Variants in RABGAP1L observed in about 807,000 individuals in gnomAD.
The protein encoded by RABGAP1L is RAB GTPase activating protein 1 like.
RABGAP1L carries 63 observed loss-of-function variants against 137.7 expected under a neutral mutation model. That is an observed-to-expected ratio of 0.46 (90% CI 0.37 to 0.56). The LOEUF is 0.56. RABGAP1L is among the 20% of genes least tolerant of loss of function. RABGAP1L has a pLI of 0.00. For synonymous variants in RABGAP1L, 431 were observed against 433.7 expected (o/e 0.99, Z 0.08); for missense variants, 1,095 against 1,244.0 (o/e 0.88, Z 1.80).
intron 11 of RABGAP1L, among the ~76,000 whole-genome samples, chr1:174,351,046 G>T (rs905275281): frequency 4.9e-5 from 6 of 122,258 alleles, no homozygotes; most frequent in Non-Finnish European, 1.0e-4. Flanking sequence ...TCCAGCTTCG[G>T]CTCCGCATGA....
intron 13 of RABGAP1L, among the ~76,000 whole-genome samples, chr1:174,586,036 A>G (rs929971832): frequency 3.3e-5 from 5 of 152,222 alleles, no homozygotes; most frequent in Non-Finnish European, 7.3e-5. Flanking sequence ...GTATACCCAA[A>G]GGAATATAAA....
chr1:174,194,900 A>G (rs540384481), intron 1 of RABGAP1L, among the ~76,000 whole-genome samples: 1 of 152,174 alleles, frequency 6.6e-6, no homozygotes, highest in Non-Finnish European at 1.5e-5. Context: ...AGGTCTTTAC[A>G]TTGAATCACA....
intron 13 of RABGAP1L, among the ~76,000 whole-genome samples, chr1:174,444,892 T>G (rs1654571875): frequency 6.6e-6 from 1 of 152,072 alleles, no homozygotes; most frequent in African/African-American, 2.4e-5. Flanking sequence ...AAGTTTTTGT[T>G]TTGTTGATCT....
At chr1:174,641,075 C>G (rs769397386) in intron 14 of RABGAP1L, among the ~76,000 whole-genome samples, 2 of 150,770 alleles carry the variant, frequency 1.3e-5, no homozygotes, top group Non-Finnish European at 3.0e-5. Flanking sequence ...TTATTTTTGA[C>G]AATTCCTCAT....
At chr1:174,244,282 A>T (rs1672070439) in intron 5 of RABGAP1L, 1 of 152,146 alleles carries the variant, frequency 6.6e-6, no homozygotes, top group African/African-American at 2.4e-5. Flanking sequence ...TTTATTTTTT[A>T]TTTTTATTTT....
intron 18 of RABGAP1L, among the ~76,000 whole-genome samples, chr1:174,809,078 G>A (rs1689616010): frequency 6.6e-6 from 1 of 152,180 alleles, no homozygotes; most frequent in South Asian, 2.1e-4. Context: ...GCAACCCTGA[G>A]TACCTTTAAT....
At chr1:174,361,047 C>A (rs1384473211) in intron 11 of RABGAP1L, among the ~76,000 whole-genome samples, 1 of 152,070 alleles carries the variant, frequency 6.6e-6, no homozygotes, top group Admixed American at 6.5e-5. Flanking sequence ...GTCCCAGCTA[C>A]TCGGGAGGCT....
rs187087437 is a variant in RABGAP1L, at chr1:174,555,924, G to T, written c.1711-81451G>T. Among the ~76,000 whole-genome samples, 174 of 151,734 alleles carry T rather than the reference G, an allele frequency of 1.1e-3. 1 individual carries two copies. Among genetic ancestry groups the T allele is most frequent in the African/African-American group, 4.1e-3 (170 of 41,348 alleles). On this transcript the variant is annotated intron_variant, in intron 13 of 25. Transcript: ENST00000681986. ...ATGGTTAGAAAAGAAAGGTATTAGGGACTGGATATTGTAGGACTATGTTTG... is the reference window on the plus strand; with the variant it reads ...ATGGTTAGAAAAGAAAGGTATTAGGTACTGGATATTGTAGGACTATGTTTG...
chr1:174,577,338 C>G (rs1228148381), intron 13 of RABGAP1L, among the ~76,000 whole-genome samples: 1 of 149,184 alleles, frequency 6.7e-6, no homozygotes. Context: ...TATATATAGT[C>G]AATATAAATA....
At chr1:174,318,635 T>TCTTTCTTTC (rs1553272541) in intron 11 of RABGAP1L, among the ~76,000 whole-genome samples, 62 of 92,266 alleles carry the variant, frequency 6.7e-4, no homozygotes, top group African/African-American at 2.0e-3. Flanking sequence ...TTTCTTTCTT[T>TCTTTCTTTC]TTCTTTCTTT....
In RABGAP1L at chr1:174,277,206, G is replaced by GA. The variant is rs1297957203; in HGVS notation, c.1156+1278dup. Among the ~76,000 whole-genome samples, 23 of 151,758 alleles carry GA rather than the reference G, an allele frequency of 1.5e-4. 1 individual carries two copies. The highest frequency in any genetic ancestry group is 1.4e-3 in the Admixed American group (21 of 15,256). ...GCTGTCTAAAAATAAAGGCTAAACAGAAAAAAAGATTATATAAAATTTAAC... is the reference window on the plus strand; with the variant it reads ...GCTGTCTAAAAATAAAGGCTAAACAGAAAAAAAAGATTATATAAAATTTAAC... On this transcript the variant is annotated intron_variant, in intron 9 of 25. Coordinates refer to ENST00000681986, the MANE Select transcript of RABGAP1L (RefSeq NM_001366446.1).
intron 11 of RABGAP1L, among the ~76,000 whole-genome samples, chr1:174,362,190 G>A (rs528018286): frequency 2.6e-5 from 4 of 152,186 alleles, no homozygotes; most frequent in Non-Finnish European, 5.9e-5. Context: ...TCATTGATGG[G>A]CATTTAGGTT....
At chr1:174,207,736 C>T (rs1668602887) in intron 1 of RABGAP1L, among the ~76,000 whole-genome samples, 1 of 152,056 alleles carries the variant, frequency 6.6e-6, no homozygotes, top group African/African-American at 2.4e-5. Flanking sequence ...GCAGATAGGT[C>T]TTTTTTAGAA....
chr1:174,241,458 C>T, intron 4 of RABGAP1L, 25 bp from the exon 5 acceptor site: 1 of 1,400,052 alleles, frequency 7.1e-7, no homozygotes, highest in Non-Finnish European at 9.5e-7. Flanking sequence ...AATATTTTAT[C>T]TAACTTTTCA....
chr1:174,563,293 A>G lies in RABGAP1L; in HGVS notation c.1711-74082A>G, dbSNP rs143420508. Among the ~76,000 whole-genome samples the G allele has an allele frequency of 6.3e-3, 958 of 152,314 alleles. 5 individuals carry two copies. Among genetic ancestry groups the G allele is most frequent in the Non-Finnish European group, 9.1e-3 (617 of 68,022 alleles). On this transcript the variant is annotated intron_variant, in intron 13 of 25. Coordinates refer to ENST00000681986, the MANE Select transcript of RABGAP1L (RefSeq NM_001366446.1). ...AAAGCTTTGATGAAAAAAGATTTCA[A>G]TTTGCACAAGTATGTTAATTAGATA...
intron 14 of RABGAP1L, among the ~76,000 whole-genome samples, chr1:174,681,039 A>G: frequency 6.6e-6 from 1 of 152,236 alleles, no homozygotes. Flanking sequence ...ACAGGAATTA[A>G]TTAAAAGGAA....
chr1:174,910,393 A>G (rs1659865301), intron 19 of RABGAP1L, among the ~76,000 whole-genome samples: 1 of 152,202 alleles, frequency 6.6e-6, no homozygotes, highest in African/African-American at 2.4e-5. Context: ...GTACCTTAAT[A>G]ATAATGGAAT....
At chr1:174,299,794 T>A (rs1677488793) in intron 10 of RABGAP1L, among the ~76,000 whole-genome samples, 1 of 152,262 alleles carries the variant, frequency 6.6e-6, no homozygotes, top group Non-Finnish European at 1.5e-5. Flanking sequence ...ATTTCAGCTC[T>A]TCATGAGTCC....
intron 15 of RABGAP1L, among the ~76,000 whole-genome samples, chr1:174,691,524 G>T (rs1678876981): frequency 6.6e-6 from 1 of 152,068 alleles, no homozygotes; most frequent in Non-Finnish European, 1.5e-5. Flanking sequence ...AGGTATTTTT[G>T]TTTTGTATTT....
Sources: allele counts gnomAD v4.1 joint callset (sites outside exome capture counted in the v4.1 genomes callset), GRCh38; gene constraint gnomAD v4.1.1; transcripts MANE v1.5; gene names NCBI Gene and HGNC (gene_info 2026-07-23, HGNC 2026-07-21).